Variants in GRIK2 observed in about 807,000 individuals in gnomAD.
GRIK2 encodes glutamate receptor ionotropic, kainate 2.
In GRIK2, 32 loss-of-function variants were observed where a neutral mutation model predicts 100.3. The observed-to-expected ratio is 0.32, with a 90% CI of 0.24 to 0.43. The LOEUF (loss-of-function observed/expected upper bound fraction) is 0.43, where lower values mean the gene tolerates loss of function less well. GRIK2 is among the 20% of genes least tolerant of loss of function. GRIK2 has a pLI of 1.00. For missense variants in GRIK2, 843 were observed against 1,114.9 expected (o/e 0.76, Z 3.47); for synonymous variants, 417 against 389.4 (o/e 1.07, Z -0.83).
chr6:101,516,358 CAA>C (rs1774586367), intron 2 of GRIK2, among the ~76,000 whole-genome samples: 1 of 151,968 alleles, frequency 6.6e-6, no homozygotes, highest in Non-Finnish European at 1.5e-5. Flanking sequence ...CCATAGTCAC[CAA>C]AAGAGTGTGA....
intron 15 of GRIK2, among the ~76,000 whole-genome samples, chr6:102,051,183 C>T (rs1047930424): frequency 1.3e-5 from 2 of 151,996 alleles, no homozygotes; most frequent in African/African-American, 2.4e-5. Context: ...AGGTCTTATA[C>T]ATCTGACATA....
At chr6:101,928,070 CA>C (rs1297202471) in intron 13 of GRIK2, 2 of 219,568 alleles carry the variant, frequency 9.1e-6, no homozygotes, top group African/African-American at 4.6e-5. Context: ...TATGAAAAAA[CA>C]ATAAATGTGG....
chr6:101,677,281 C>A (rs1770910877), intron 5 of GRIK2, among the ~76,000 whole-genome samples: 1 of 152,194 alleles, frequency 6.6e-6, no homozygotes, highest in South Asian at 2.1e-4. Flanking sequence ...ACTTTACAGA[C>A]AAACTGAGTC....
At chr6:101,644,510 G>A (rs1045058098) in intron 4 of GRIK2, among the ~76,000 whole-genome samples, 2 of 151,738 alleles carry the variant, frequency 1.3e-5, no homozygotes, top group Admixed American at 6.6e-5. Context: ...ACTAAAGTAG[G>A]TTAGTCACCA....
chr6:101,405,362 T>A (rs899409755), intron 2 of GRIK2, among the ~76,000 whole-genome samples: 1 of 151,548 alleles, frequency 6.6e-6, no homozygotes, highest in African/African-American at 2.4e-5. Context: ...GAATTATAGA[T>A]CTTTCTCATT....
chr6:101,569,708 C>G (rs995449471), intron 2 of GRIK2, among the ~76,000 whole-genome samples: 4 of 151,818 alleles, frequency 2.6e-5, no homozygotes, highest in African/African-American at 9.7e-5. Flanking sequence ...TTAATTTAAA[C>G]AAAAACGCTA....
intron 9 of GRIK2, among the ~76,000 whole-genome samples, chr6:101,806,077 C>T (rs1355560853): frequency 6.6e-6 from 1 of 152,010 alleles, no homozygotes; most frequent in African/African-American, 2.4e-5. Context: ...ACTGTATACA[C>T]AGCCAGCCAC....
chr6:101,394,123 G>T (rs1014605825), intron 1 of GRIK2, among the ~76,000 whole-genome samples: 3 of 152,192 alleles, frequency 2.0e-5, no homozygotes, highest in African/African-American at 7.2e-5. Flanking sequence ...AGAAGTGGAC[G>T]TGTCAGGAAG....
chr6:101,603,418 T>C (rs1440428497), intron 2 of GRIK2, among the ~76,000 whole-genome samples: 2 of 151,502 alleles, frequency 1.3e-5, no homozygotes, highest in African/African-American at 4.8e-5. Context: ...ATAACCACGA[T>C]TTGGAAAGCA....
chr6:101,472,661 C>T (rs1399705154), intron 2 of GRIK2, among the ~76,000 whole-genome samples: 1 of 151,644 alleles, frequency 6.6e-6, no homozygotes, highest in Non-Finnish European at 1.5e-5. Flanking sequence ...AAACAATTTC[C>T]ATTTCAGGTT....
chr6:101,924,335 A>G (rs1027273115), intron 12 of GRIK2, among the ~76,000 whole-genome samples: 1 of 152,170 alleles, frequency 6.6e-6, no homozygotes, highest in African/African-American at 2.4e-5. Flanking sequence ...AAAAAATGTT[A>G]TTGGTTTACT....
At position 101,759,429 on chromosome 6, in the gene GRIK2, A is replaced by C. The variant is rs148997622; in HGVS notation, c.952-40219A>C. Reference sequence around the variant, plus strand: ...TTATTTGCATAACAAAACAGCAGCAACTATTGAGTGTATAGAGATTTAGCT... The same window carrying C: ...TTATTTGCATAACAAAACAGCAGCACCTATTGAGTGTATAGAGATTTAGCT... On this transcript the variant is annotated intron_variant, in intron 7 of 16. Coordinates refer to ENST00000369134, the MANE Select transcript of GRIK2 (RefSeq NM_021956.5). Among the ~76,000 whole-genome samples, 166 of 152,314 alleles carry C rather than the reference A, an allele frequency of 1.1e-3. 6 individuals are homozygous for C. In the East Asian group the frequency reaches 0.027, roughly 25 times the overall value.
At chr6:101,900,986 G>A (rs1276824091) in intron 12 of GRIK2, among the ~76,000 whole-genome samples, 1 of 151,522 alleles carries the variant, frequency 6.6e-6, no homozygotes, top group East Asian at 1.9e-4. Context: ...TCTGAGGACA[G>A]TCTGCCTGAA....
At chr6:101,661,594 C>A (rs1233428380) in intron 4 of GRIK2, among the ~76,000 whole-genome samples, 2 of 152,076 alleles carry the variant, frequency 1.3e-5, no homozygotes, top group South Asian at 2.1e-4. Flanking sequence ...AAACCCAGGG[C>A]CCTGGTGGTG....
chr6:101,920,379 T>G (rs932237474), intron 12 of GRIK2, among the ~76,000 whole-genome samples: 2 of 151,942 alleles, frequency 1.3e-5, no homozygotes, highest in African/African-American at 4.8e-5. Context: ...ATGAGGAAGA[T>G]TCCAGGGCAA....
At chr6:101,484,538 TACACACACAC>T (rs138774364) in intron 2 of GRIK2, among the ~76,000 whole-genome samples, 7 of 148,142 alleles carry the variant, frequency 4.7e-5, no homozygotes, top group Admixed American at 1.4e-4. Flanking sequence ...TATATGTAAC[TACACACACAC>T]ACACACACAC....
At chr6:101,859,907 G>T (rs1267753772) in intron 11 of GRIK2, among the ~76,000 whole-genome samples, 1 of 152,120 alleles carries the variant, frequency 6.6e-6, no homozygotes, top group South Asian at 2.1e-4. Flanking sequence ...AAGAAAAAGG[G>T]GTGAGGAGGG....
chr6:101,535,563 C>G (rs1775650652), intron 2 of GRIK2, among the ~76,000 whole-genome samples: 1 of 151,526 alleles, frequency 6.6e-6, no homozygotes, highest in South Asian at 2.1e-4. Context: ...ATTACCAATG[C>G]TCTTATTTCA....
At chr6:101,415,491 C>G (rs1449169713) in intron 2 of GRIK2, among the ~76,000 whole-genome samples, 2 of 151,502 alleles carry the variant, frequency 1.3e-5, no homozygotes, top group African/African-American at 2.4e-5. Context: ...CTGCCTCAGC[C>G]TCACAAGTAG....
Sources: allele counts gnomAD v4.1 joint callset (sites outside exome capture counted in the v4.1 genomes callset), GRCh38; gene constraint gnomAD v4.1.1; transcripts MANE v1.5; gene names NCBI Gene and HGNC (gene_info 2026-07-23, HGNC 2026-07-21).